PPP6R2: variants seen among roughly 807,000 people sequenced by gnomAD.
PPP6R2 encodes the protein serine/threonine-protein phosphatase 6 regulatory subunit 2.
A neutral mutation model predicts 100.2 loss-of-function variants in PPP6R2; 62 were observed. The ratio of observed to expected loss-of-function variants is 0.62; its 90% CI spans 0.50 to 0.76. The LOEUF (loss-of-function observed/expected upper bound fraction) is 0.76, where lower values mean the gene tolerates loss of function less well. PPP6R2 is among the 30% of genes least tolerant of loss of function. PPP6R2 has a pLI of 0.00. For missense variants in PPP6R2, 1,142 were observed against 1,276.3 expected, an observed-to-expected ratio of 0.89 and a Z score of 1.60; for synonymous variants, 525 against 514.7, an observed-to-expected ratio of 1.02 and a Z score of -0.27.
the PPP6R2 span, among the ~76,000 whole-genome samples, chr22:50,335,084 C>T: frequency 2.6e-5 from 4 of 152,070 alleles, no homozygotes; most frequent in Middle Eastern, 0.014. Context: ...CAGGGTCTCG[C>T]TCTGTCGCCC....
In PPP6R2 at chr22:50,430,894, A is replaced by G. The variant is rs1036145520; in HGVS notation, c.1126-279A>G. Among the ~76,000 whole-genome samples the G allele has an allele frequency of 4.0e-3, 600 of 148,662 alleles. 8 individuals carry two copies. Among genetic ancestry groups the G allele is most frequent in the African/African-American group, 0.014 (559 of 40,786 alleles). On this transcript the variant is annotated intron_variant, in intron 10 of 23. Coordinates refer to ENST00000612753, the MANE Select transcript of PPP6R2 (RefSeq NM_001242898.2). ...GTCTCAAAAAAAAAAAAAAAAAAGA[A>G]TAAACCCGCAGAAAGTAGAAAGGTG...
At chr22:50,399,233 A>G (rs997807680) in intron 3 of PPP6R2, among the ~76,000 whole-genome samples, 3 of 152,236 alleles carry the variant, frequency 2.0e-5, no homozygotes, top group African/African-American at 7.2e-5. Context: ...AGATATAAAT[A>G]TATATGTAGA....
intron 10 of PPP6R2, among the ~76,000 whole-genome samples, chr22:50,426,656 G>A (rs867041726): frequency 2.0e-5 from 3 of 152,014 alleles, no homozygotes; most frequent in East Asian, 1.9e-4. Context: ...CCAATGTGGC[G>A]AAACCCCATG....
intron 2 of PPP6R2, among the ~76,000 whole-genome samples, chr22:50,381,980 C>T (rs1356738026): frequency 6.6e-6 from 1 of 151,522 alleles, no homozygotes; most frequent in East Asian, 2.0e-4. Flanking sequence ...AGTAGTGGAC[C>T]TTCCTTTATT....
chr22:50,341,326 C>T (rs1438769480), upstream of PPP6R2, among the ~76,000 whole-genome samples: 1 of 152,104 alleles, frequency 6.6e-6, no homozygotes, highest in Non-Finnish European at 1.5e-5. Context: ...CCGCCTCAGT[C>T]GGCCAAGTAG....
At chr22:50,440,268 C>T (rs1303980270) in intron 21 of PPP6R2, among the ~76,000 whole-genome samples, 4 of 152,230 alleles carry the variant, frequency 2.6e-5, no homozygotes, top group Admixed American at 2.0e-4. Context: ...TGGGCTGGCT[C>T]TGAGCCTGGT....
chr22:50,366,820 C>T (rs1400113158), intron 1 of PPP6R2, among the ~76,000 whole-genome samples: 1 of 152,172 alleles, frequency 6.6e-6, no homozygotes, highest in African/African-American at 2.4e-5. Context: ...AGACTGCCAG[C>T]CAGCCTCCAC....
intron 5 of PPP6R2, among the ~76,000 whole-genome samples, chr22:50,415,100 G>A (rs924922742): frequency 2.0e-5 from 3 of 152,208 alleles, no homozygotes; most frequent in Non-Finnish European, 4.4e-5. Context: ...GCAGAGCCCC[G>A]TTGTTTACCC....
At chr22:50,437,974 T>C (rs779913162) in intron 17 of PPP6R2, 74 bp downstream of exon 17, 8 of 1,552,380 alleles carry the variant, frequency 5.2e-6, no homozygotes, top group Non-Finnish European at 7.0e-6. Flanking sequence ...TGGCTCGGTC[T>C]GTCATGGGCC....
intron 1 of PPP6R2, among the ~76,000 whole-genome samples, chr22:50,354,616 C>T (rs969101619): frequency 3.3e-5 from 5 of 151,674 alleles, no homozygotes; most frequent in African/African-American, 7.3e-5. Context: ...ACCTGAGGTC[C>T]GGAGTTTGAG....
chr22:50,360,493 G>T (rs761539886), intron 1 of PPP6R2, among the ~76,000 whole-genome samples: 1 of 151,824 alleles, frequency 6.6e-6, no homozygotes, highest in Non-Finnish European at 1.5e-5. Flanking sequence ...TTCCTGAGTT[G>T]CTAGGACTGC....
chr22:50,425,318 G>A (rs1296511885), intron 10 of PPP6R2, among the ~76,000 whole-genome samples: 1 of 152,180 alleles, frequency 6.6e-6, no homozygotes, highest in African/African-American at 2.4e-5. Context: ...GTATTGTACT[G>A]TATGTCCAAA....
chr22:50,414,518 G>A, intron 4 of PPP6R2, 34 bp from the exon 5 acceptor site: 1 of 1,608,124 alleles, frequency 6.2e-7, no homozygotes, highest in Non-Finnish European at 8.5e-7. Flanking sequence ...GTCAGGGTCG[G>A]CCCCGCCTGC....
chr22:50,442,729 T>G (rs1482418209), intron 22 of PPP6R2, among the ~76,000 whole-genome samples: 1 of 151,738 alleles, frequency 6.6e-6, no homozygotes, highest in Non-Finnish European at 1.5e-5. Context: ...ATTTTTTGTA[T>G]TTTTAGTAGA....
chr22:50,418,092 A>G (rs1319165938), intron 6 of PPP6R2, among the ~76,000 whole-genome samples: 1 of 152,216 alleles, frequency 6.6e-6, no homozygotes, highest in Non-Finnish European at 1.5e-5. Context: ...CTCATTCTGA[A>G]TAATAGCAGC....
In PPP6R2 at chr22:50,414,697, C is replaced by T. The variant is rs764561566; in HGVS notation, c.552+8C>T. 4 of 1,584,414 alleles carry T rather than the reference C, an allele frequency of 2.5e-6. No homozygotes were observed. Among genetic ancestry groups the T allele is most frequent in the Non-Finnish European group, 2.6e-6 (3 of 1,170,990 alleles). ...CGGCAGGACGTCCTGCACGTGAGTG[C>T]GGGAGTCCCCCCCCGTTCCCGAGGG... is the stretch of plus-strand genomic sequence containing the variant. On this transcript the variant is annotated splice_region_variant and intron_variant, in intron 5 of 23. Transcript: ENST00000612753.
intron 1 of PPP6R2, among the ~76,000 whole-genome samples, chr22:50,353,953 T>C (rs1390011404): frequency 6.6e-6 from 1 of 151,980 alleles, no homozygotes; most frequent in South Asian, 2.1e-4. Context: ...CGATAACTGA[T>C]TATGTATCAG....
At chr22:50,412,076 A>G (rs1460259876) in intron 4 of PPP6R2, among the ~76,000 whole-genome samples, 1 of 152,150 alleles carries the variant, frequency 6.6e-6, no homozygotes, top group East Asian at 1.9e-4. Flanking sequence ...ATGCTTTGAC[A>G]TGTTTCCTCC....
At chr22:50,388,573 A>G (rs1689108282) in intron 2 of PPP6R2, among the ~76,000 whole-genome samples, 1 of 152,052 alleles carries the variant, frequency 6.6e-6, no homozygotes, top group African/African-American at 2.4e-5. Flanking sequence ...TCAAAAATAC[A>G]CATAAATTTT....
Sources: allele counts gnomAD v4.1 joint callset (sites outside exome capture counted in the v4.1 genomes callset), GRCh38; gene constraint gnomAD v4.1.1; transcripts MANE v1.5; gene names NCBI Gene and HGNC (gene_info 2026-07-23, HGNC 2026-07-21).